Variants in LEMD1 observed in about 807,000 individuals in gnomAD.
LEMD1 encodes LEM domain-containing protein 1.
In LEMD1, 18 loss-of-function variants were observed where a neutral mutation model predicts 17.4. The ratio of observed to expected loss-of-function variants is 1.04; its 90% CI spans 0.72 to 1.54. The LOEUF (loss-of-function observed/expected upper bound fraction) is 1.54, where lower values mean the gene tolerates loss of function less well. LEMD1 is among the 40% of genes most tolerant of loss of function. The probability of loss-of-function intolerance (pLI) is 0.00; values close to 1 mark genes in which losing one functional copy is unlikely to be tolerated. For synonymous variants in LEMD1, 88 were observed against 77.8 expected (o/e 1.13, Z -0.69); for missense variants, 195 against 210.4 (o/e 0.93, Z 0.45).
At chr1:205,389,832 T>G (rs975589520) in intron 4 of LEMD1, among the ~76,000 whole-genome samples, 1 of 152,216 alleles carries the variant, frequency 6.6e-6, no homozygotes, top group African/African-American at 2.4e-5. Context: ...CCAAATCCCT[T>G]TATTGACTAA....
intron 1 of LEMD1, chr1:205,437,028 G>C (rs551307226): frequency 6.6e-6 from 1 of 152,662 alleles, no homozygotes; most frequent in African/African-American, 2.4e-5. Context: ...GAACACTGGG[G>C]GGCTGTGGCT....
chr1:205,402,324 C>T (rs1448501710), intron 4 of LEMD1, among the ~76,000 whole-genome samples: 1 of 152,168 alleles, frequency 6.6e-6, no homozygotes, highest in Non-Finnish European at 1.5e-5. Flanking sequence ...ATTGATTCTT[C>T]CTACCCATGA....
At chr1:205,415,688 C>T (rs1297446642) in intron 4 of LEMD1, among the ~76,000 whole-genome samples, 1 of 152,180 alleles carries the variant, frequency 6.6e-6, no homozygotes, top group Non-Finnish European at 1.5e-5. Context: ...TGCTGTTAAA[C>T]TGTGCTAGGA....
chr1:205,414,720 G>A (rs899856471), intron 4 of LEMD1, among the ~76,000 whole-genome samples: 3 of 152,008 alleles, frequency 2.0e-5, no homozygotes, highest in Admixed American at 6.5e-5. Flanking sequence ...CACCATGCCC[G>A]GCCAGAATTG....
rs145634518 is a variant in LEMD1, at chr1:205,417,231, G to T, written c.206-935C>A. On this transcript the variant is annotated intron_variant, in intron 3 of 5. Transcript: ENST00000367153. The stretch of plus-strand genomic sequence containing the variant: ...AGGACTGAATCAACGCTTCCACCTC[G>T]ACCTGATGGCCCGTAGTTGGCTTAG... Among the ~76,000 whole-genome samples the T allele has an allele frequency of 9.5e-4, 145 of 152,290 alleles. 2 individuals carry two copies. The highest frequency in any genetic ancestry group is 3.3e-3 in the African/African-American group (139 of 41,566).
intron 1 of LEMD1, among the ~76,000 whole-genome samples, chr1:205,444,348 T>G (rs1666348170): frequency 6.6e-6 from 1 of 152,058 alleles, no homozygotes; most frequent in Non-Finnish European, 1.5e-5. Flanking sequence ...CCAAGATGGT[T>G]TACGGTCTGG....
intron 4 of LEMD1, among the ~76,000 whole-genome samples, chr1:205,407,059 C>T (rs1006620267): frequency 9.9e-5 from 15 of 152,064 alleles, no homozygotes; most frequent in Middle Eastern, 3.2e-3. Flanking sequence ...GGACTGGGCA[C>T]GGTGGCTTAG....
In LEMD1 at chr1:205,448,622, T is replaced by C. The variant is rs1350368963; in HGVS notation, c.-39+1246A>G. Among the ~76,000 whole-genome samples, 2 of 151,964 alleles carry C rather than the reference T, an allele frequency of 1.3e-5. No individual in the cohort carries two copies. The highest frequency in any genetic ancestry group is 2.9e-5 in the Non-Finnish European group (2 of 67,948). ...GCCCTACAAAGGCCTCACACAATGG[T>C]CCTCACTCCAGGGTATGAGGAGGGG... On this transcript the variant is annotated intron_variant, in intron 1 of 3. Coordinates refer to the LEMD1 transcript ENST00000367154. The surrounding 1 kb of genome is among the most constrained non-coding windows in gnomAD (Gnocchi z 4.7).
chr1:205,393,912 T>C (rs921096170), intron 4 of LEMD1, among the ~76,000 whole-genome samples: 1 of 149,128 alleles, frequency 6.7e-6, no homozygotes, highest in African/African-American at 2.5e-5. Context: ...TGAATGTTCA[T>C]AGTGGCACTG....
rs531289994 is a variant in LEMD1, at chr1:205,398,056, T to A, written c.271-13692A>T. Among the ~76,000 whole-genome samples, 3 of 152,340 alleles carry A rather than the reference T, an allele frequency of 2.0e-5. No individual in the cohort carries two copies. The South Asian group carries it at 6.2e-4, about 32-fold the overall frequency. On this transcript the variant is annotated intron_variant, in intron 4 of 5. Transcript: ENST00000367153. ...CATCAATAAGATCAAGATATATTGA[T>A]CATATCTACCAGGAGGTCAATATTT...
At chr1:205,421,159 G>A (rs1009337447) in intron 1 of LEMD1, among the ~76,000 whole-genome samples, 2 of 152,116 alleles carry the variant, frequency 1.3e-5, no homozygotes, top group East Asian at 3.9e-4. Flanking sequence ...AAAAAAGTCA[G>A]CTATTCATTC....
In LEMD1 at chr1:205,420,518, GACACTTC is replaced by G. The variant is rs1362865601; in HGVS notation, c.12_18del (p.Lys5Ter). ...TGGTTCTGCAATTTACAGTCACTCAGACACTTCACATCCACCATGATGATAGAAGTTT... is the reference window on the plus strand; with the variant it reads ...TGGTTCTGCAATTTACAGTCACTCAGACATCCACCATGATGATAGAAGTTT... On this transcript the variant is annotated frameshift_variant, in exon 2 of 6. Coordinates refer to ENST00000367153, the MANE Select transcript of LEMD1 (RefSeq NM_001199050.2). LOFTEE classifies it high-confidence loss of function. 1.2e-6 allele frequency: 2 copies of G among 1,613,788 alleles called. No homozygotes were observed. Among genetic ancestry groups the G allele is most frequent in the Non-Finnish European group, 8.5e-7 (1 of 1,179,842 alleles).
chr1:205,405,490 G>T (rs923587506), intron 4 of LEMD1, among the ~76,000 whole-genome samples: 5 of 142,962 alleles, frequency 3.5e-5, no homozygotes, highest in Non-Finnish European at 7.7e-5. Context: ...CCAGTTGATC[G>T]CATCGGCTCC....
chr1:205,447,357 T>C (rs1327240033), intron 1 of LEMD1, among the ~76,000 whole-genome samples: 2 of 152,072 alleles, frequency 1.3e-5, no homozygotes, highest in Admixed American at 6.5e-5. Context: ...TAAGTGTTGG[T>C]TGGTGAAATT....
At chr1:205,404,960 A>C (rs1402177903) in intron 4 of LEMD1, among the ~76,000 whole-genome samples, 1 of 152,056 alleles carries the variant, frequency 6.6e-6, no homozygotes, top group Non-Finnish European at 1.5e-5. Context: ...TTCACTTATG[A>C]AACTTAGTTT....
At chr1:205,416,577 T>G (rs1665707605) in intron 3 of LEMD1, among the ~76,000 whole-genome samples, 1 of 152,118 alleles carries the variant, frequency 6.6e-6, no homozygotes, top group South Asian at 2.1e-4. Flanking sequence ...CTGTTTGCAG[T>G]CTAGTCATTG....
chr1:205,406,258 T>A (rs1446423008), intron 4 of LEMD1, among the ~76,000 whole-genome samples: 1 of 152,232 alleles, frequency 6.6e-6, no homozygotes, highest in South Asian at 2.1e-4. Context: ...GACATTTAAG[T>A]CTGCAAAGGT....
chr1:205,396,467 T>C (rs1490206785), intron 4 of LEMD1, among the ~76,000 whole-genome samples: 1 of 152,208 alleles, frequency 6.6e-6, no homozygotes, highest in Non-Finnish European at 1.5e-5. Flanking sequence ...AAAAAAATTC[T>C]TACACATATA....
chr1:205,419,612 G>A (rs956174247), intron 2 of LEMD1, among the ~76,000 whole-genome samples: 7 of 152,120 alleles, frequency 4.6e-5, no homozygotes, highest in East Asian at 3.9e-4. Context: ...CCACAGGTTC[G>A]CCACCACACT....
Sources: allele counts gnomAD v4.1 joint callset (sites outside exome capture counted in the v4.1 genomes callset), GRCh38; gene constraint gnomAD v4.1.1; non-coding constraint Gnocchi (gnomAD v3.1); transcripts MANE v1.5; gene names NCBI Gene and HGNC (gene_info 2026-07-23, HGNC 2026-07-21).